DISC1: variants seen among roughly 807,000 people sequenced by gnomAD.
The protein encoded by DISC1 is DISC1 scaffold protein.
Under a neutral mutation model 84.5 loss-of-function variants are expected in DISC1, and 57 were observed. The ratio of observed to expected loss-of-function variants is 0.67; its 90% CI spans 0.55 to 0.84. The LOEUF is 0.84. DISC1 is among the 40% of genes least tolerant of loss of function. DISC1 has a pLI of 0.00. For missense variants in DISC1, 1,000 were observed against 1,057.8 expected (o/e 0.95, Z 0.76); for synonymous variants, 411 against 415.2 (o/e 0.99, Z 0.12).
chr1:231,985,176 A>G (rs1324042627), intron 10 of DISC1, among the ~76,000 whole-genome samples: 2 of 151,562 alleles, frequency 1.3e-5, no homozygotes, highest in Admixed American at 1.3e-4. Context: ...CAAAAAAAAT[A>G]TTAGCCAGGC....
At chr1:231,679,670 G>C (rs1173916722) in intron 1 of DISC1, among the ~76,000 whole-genome samples, 1 of 152,234 alleles carries the variant, frequency 6.6e-6, no homozygotes, top group South Asian at 2.1e-4. Context: ...ACAGAGGCAA[G>C]AAGAGACGAG....
chr1:231,701,905 G>A (rs769182637), intron 2 of DISC1, 50 bp from the exon 3 acceptor site: 1 of 1,461,860 alleles, frequency 6.8e-7, no homozygotes, highest in Non-Finnish European at 9.3e-7. Flanking sequence ...AAAAATGTTT[G>A]CTTGAATTCT....
intron 12 of DISC1, among the ~76,000 whole-genome samples, chr1:232,032,855 G>A (rs1235269716): frequency 2.0e-5 from 3 of 152,158 alleles, no homozygotes; most frequent in Admixed American, 6.5e-5. Context: ...TAAGGTCAAG[G>A]TCAAGTGTTT....
At chr1:231,711,357 C>A (rs796619998) in intron 3 of DISC1, among the ~76,000 whole-genome samples, 4 of 111,308 alleles carry the variant, frequency 3.6e-5, no homozygotes, top group Non-Finnish European at 5.7e-5. Context: ...GGACATATTT[C>A]TTTTTTTTTT....
At position 231,729,623 on chromosome 1, in the gene DISC1, T is replaced by G. The variant is rs2071242274; in HGVS notation, c.1118-20303T>G. Reference sequence around the variant, plus strand: ...CTGCTTTGTTCCAAGAAACTAATATTCTAGCACGCTTTATGCCTTCTGATT... The same window carrying G: ...CTGCTTTGTTCCAAGAAACTAATATGCTAGCACGCTTTATGCCTTCTGATT... On this transcript the variant is annotated intron_variant, in intron 3 of 12. Transcript: ENST00000439617. Among the ~76,000 whole-genome samples the G allele has an allele frequency of 2.0e-5, 3 of 152,196 alleles. No homozygotes were observed. The South Asian group carries it at 6.2e-4, about 32-fold the overall frequency.
intron 10 of DISC1, among the ~76,000 whole-genome samples, chr1:231,997,020 C>T (rs1295367893): frequency 2.0e-5 from 3 of 152,140 alleles, no homozygotes; most frequent in Non-Finnish European, 2.9e-5. Flanking sequence ...TTAGCACAAA[C>T]AGATCAATAA....
intron 10 of DISC1, among the ~76,000 whole-genome samples, chr1:232,008,057 TCCCCAGC>T (rs1667679149): frequency 6.6e-6 from 1 of 152,166 alleles, no homozygotes; most frequent in African/African-American, 2.4e-5. Context: ...TCTTGAGGCC[TCCCCAGC>T]CACACTGAAC....
chr1:231,749,558 A>T (rs578047995), intron 3 of DISC1, among the ~76,000 whole-genome samples: 10 of 152,228 alleles, frequency 6.6e-5, no homozygotes, highest in South Asian at 6.2e-4. Context: ...GATTTTTTTT[A>T]AAAAAGGAAT....
intron 9 of DISC1, among the ~76,000 whole-genome samples, chr1:231,944,527 C>A (rs976372644): frequency 6.6e-6 from 1 of 152,174 alleles, no homozygotes; most frequent in South Asian, 2.1e-4. Flanking sequence ...TGCAATCCTG[C>A]CTCTTCTCTG....
intron 9 of DISC1, among the ~76,000 whole-genome samples, chr1:231,845,419 A>G (rs2083383045): frequency 6.6e-6 from 1 of 151,906 alleles, no homozygotes; most frequent in African/African-American, 2.4e-5. Context: ...GTTTGAGGAG[A>G]GTGGGGAAAG....
At chr1:231,976,178 G>A (rs1662771027) in intron 10 of DISC1, among the ~76,000 whole-genome samples, 1 of 152,132 alleles carries the variant, frequency 6.6e-6, no homozygotes, top group African/African-American at 2.4e-5. Context: ...GTTCATTAAT[G>A]GGTCTGTGAA....
chr1:231,779,297 G>A (rs1450519613), intron 6 of DISC1, among the ~76,000 whole-genome samples: 1 of 152,150 alleles, frequency 6.6e-6, no homozygotes, highest in African/African-American at 2.4e-5. Flanking sequence ...ACTTTCTTCT[G>A]ATACAAAGAC....
intron 1 of DISC1, among the ~76,000 whole-genome samples, chr1:231,674,555 C>T (rs2062955205): frequency 6.6e-6 from 1 of 152,164 alleles, no homozygotes; most frequent in Non-Finnish European, 1.5e-5. Flanking sequence ...AACTGATTTT[C>T]TTTTTGTCTC....
chr1:231,988,598 A>G (rs1664779691), intron 10 of DISC1, among the ~76,000 whole-genome samples: 1 of 152,206 alleles, frequency 6.6e-6, no homozygotes, highest in Non-Finnish European at 1.5e-5. Flanking sequence ...AGAAGGCACC[A>G]CCTGCAAGAA....
In DISC1 at chr1:231,675,300, G is replaced by A. The variant is rs572701212; in HGVS notation, c.68-18526G>A. 8.6e-5 allele frequency among the ~76,000 whole-genome samples: 13 copies of A among 152,004 alleles called. No homozygotes were observed. The highest frequency in any genetic ancestry group is 2.7e-4 in the African/African-American group (11 of 41,454). Reference sequence around the variant, plus strand: ...TCTTTTTGCTTTGGGATGATTGCTGGGTCCTGGGGTCTCTCTCCCTGCCTC... The same window carrying A: ...TCTTTTTGCTTTGGGATGATTGCTGAGTCCTGGGGTCTCTCTCCCTGCCTC... On this transcript the variant is annotated intron_variant, in intron 1 of 12. Transcript: ENST00000439617. The surrounding 1 kb of genome is among the most constrained non-coding windows in gnomAD (Gnocchi z 4.1).
At chr1:231,933,216 A>T (rs1160117054) in intron 9 of DISC1, among the ~76,000 whole-genome samples, 2 of 152,222 alleles carry the variant, frequency 1.3e-5, no homozygotes, top group Admixed American at 6.5e-5. Context: ...ACCCAAGCTC[A>T]GTTGACTGTG....
intron 9 of DISC1, among the ~76,000 whole-genome samples, chr1:231,908,728 C>G (rs113040060): frequency 1.9e-4 from 29 of 152,166 alleles, no homozygotes; most frequent in East Asian, 7.7e-4. Context: ...TAGCTTGATG[C>G]GGATGGCATT....
At chr1:231,671,894 C>G (rs2062660950) in intron 1 of DISC1, among the ~76,000 whole-genome samples, 1 of 152,148 alleles carries the variant, frequency 6.6e-6, no homozygotes, top group Admixed American at 6.5e-5. Flanking sequence ...TGCTTATAAC[C>G]CTGCTGGGTA....
At chr1:231,741,442 A>G (rs952283409) in intron 3 of DISC1, among the ~76,000 whole-genome samples, 1 of 152,256 alleles carries the variant, frequency 6.6e-6, no homozygotes, top group East Asian at 1.9e-4. Flanking sequence ...AAGGGAATCT[A>G]AAGTTCATTG....
Sources: allele counts gnomAD v4.1 joint callset (sites outside exome capture counted in the v4.1 genomes callset), GRCh38; gene constraint gnomAD v4.1.1; non-coding constraint Gnocchi (gnomAD v3.1); transcripts MANE v1.5; gene names NCBI Gene and HGNC (gene_info 2026-07-23, HGNC 2026-07-21).